The following SULT1B1 variants were observed in gnomAD, a reference collection of about 807,000 sequenced individuals.
The protein encoded by SULT1B1 is sulfotransferase family 1B member 1, also known as sulfotransferase 1B1.
In SULT1B1, 28 loss-of-function variants were observed where a neutral mutation model predicts 34.6. The observed-to-expected ratio is 0.81, with a 90% confidence interval of 0.60 to 1.11. The LOEUF (loss-of-function observed/expected upper bound fraction) is 1.11. SULT1B1 is among the 50% of genes least tolerant of loss of function. SULT1B1 has a pLI of 0.00. For synonymous variants in SULT1B1, 147 were observed against 110.2 expected, an observed-to-expected ratio of 1.33 and a Z score of -2.09; for missense variants, 374 against 352.2, an observed-to-expected ratio of 1.06 and a Z score of -0.50.
In SULT1B1 at chr4:69,733,407, T is replaced by C; in HGVS notation, c.597+6A>G. ...AATTATCCAGAATCCATATCTACCA[T>C]TTTACCTCTTTCATATCTTCATAGT... On this transcript the variant is annotated splice_donor_region_variant and intron_variant, in intron 6 of 7. Coordinates refer to ENST00000310613, the MANE Select transcript of SULT1B1 (RefSeq NM_014465.4). 1.9e-6 allele frequency: 3 copies of C among 1,578,606 alleles called. No homozygotes were observed. Among genetic ancestry groups the C allele is most frequent in the Non-Finnish European group, 2.6e-6 (3 of 1,159,784 alleles).
intron 4 of SULT1B1, among the ~76,000 whole-genome samples, chr4:69,743,113 G>A (rs1718615062): frequency 6.6e-6 from 1 of 152,174 alleles, no homozygotes; most frequent in Non-Finnish European, 1.5e-5. Context: ...CACACAAGGT[G>A]GTGAGCAAGG....
chr4:69,751,663 A>G (rs1021888554), intron 3 of SULT1B1, among the ~76,000 whole-genome samples: 1 of 152,062 alleles, frequency 6.6e-6, no homozygotes, highest in Non-Finnish European at 1.5e-5. Flanking sequence ...CGTGTTAGCC[A>G]GGACTGTCTC....
Position 69,723,843 on chromosome 4 carries a change from C to G in SULT1B1, c.*3245G>C, listed in dbSNP as rs892289572. 5 of 152,306 alleles carry G rather than the reference C, an allele frequency of 3.3e-5. No individual in the cohort carries two copies. The highest frequency in any genetic ancestry group is 9.6e-5 in the African/African-American group (4 of 41,562). The allele number at this position is 152,306 out of a possible 1,614,324, so 9.4% of individuals were successfully genotyped here. A position where few individuals can be genotyped will look rare whatever the true frequency, so the allele number is the denominator to read the frequency against. On this transcript the variant is annotated 3_prime_UTR_variant, in exon 8 of 8. Coordinates refer to ENST00000310613, the MANE Select transcript of SULT1B1 (RefSeq NM_014465.4). Reference sequence around the variant, plus strand: ...TTCAACAGCCTTCATGCTAAAAACTCTCAATAAATTAGGTATTGATGGAAT... The same window carrying G: ...TTCAACAGCCTTCATGCTAAAAACTGTCAATAAATTAGGTATTGATGGAAT...
intron 3 of SULT1B1, among the ~76,000 whole-genome samples, chr4:69,752,200 A>C (rs1578066899): frequency 6.6e-6 from 1 of 152,224 alleles, no homozygotes; most frequent in African/African-American, 2.4e-5. Context: ...TTTATACTTG[A>C]ATTTTAAGTT....
rs1164417119 is a variant in SULT1B1, at chr4:69,733,458, C to A, written c.552G>T (p.Lys184Asn). ...ACAAAAAAAGTATTGGGTGTTCTTCCTTTTTCTTCCACCAGTTTTTAACAT... is the reference window on the plus strand; with the variant it reads ...ACAAAAAAAGTATTGGGTGTTCTTCATTTTTCTTCCACCAGTTTTTAACAT... ...FTHVKNWWKKKEEHPILFLYY... is the reference protein window; with the variant it reads ...FTHVKNWWKKNEEHPILFLYY... Residue 184 changes from lysine to asparagine, a missense_variant, in exon 6 of 8, where the codon AAG becomes AAT. Physicochemically the swap from Lys to Asn is moderately conservative, Grantham distance 94. Coordinates refer to ENST00000310613, the MANE Select transcript of SULT1B1 (RefSeq NM_014465.4). The A allele has an allele frequency of 3.7e-6, 6 of 1,608,120 alleles. No individual in the cohort carries two copies. The highest frequency in any genetic ancestry group is 1.3e-5 in the African/African-American group (1 of 74,566).
chr4:69,758,818 C>T (rs1719288059), intron 1 of SULT1B1, among the ~76,000 whole-genome samples: 1 of 152,048 alleles, frequency 6.6e-6, no homozygotes, highest in Non-Finnish European at 1.5e-5. Context: ...ATTTATTCAT[C>T]TTAATTTAAT....
At chr4:69,758,198 G>A in intron 1 of SULT1B1, 2 of 626,246 alleles carry the variant, frequency 3.2e-6, no homozygotes, top group Non-Finnish European at 4.0e-6. Context: ...GAAGGAGGAA[G>A]TTGAAAGAAA....
At chr4:69,758,150 G>C (rs1430672282) in intron 1 of SULT1B1, among the ~76,000 whole-genome samples, 1 of 152,172 alleles carries the variant, frequency 6.6e-6, no homozygotes, top group South Asian at 2.1e-4. Flanking sequence ...AGCAGCTCAA[G>C]AAAGGAACAA....
At chr4:69,739,320 T>G (rs1030319267) in intron 4 of SULT1B1, among the ~76,000 whole-genome samples, 8 of 152,216 alleles carry the variant, frequency 5.3e-5, no homozygotes, top group African/African-American at 1.9e-4. Context: ...TGCCTGGAGA[T>G]CCAGGTGTTT....
chr4:69,734,035 C>A, intron 5 of SULT1B1, 103 bp downstream of exon 5: 1 of 1,001,606 alleles, frequency 1.0e-6, no homozygotes, highest in African/African-American at 1.7e-5. Flanking sequence ...ACATACTTTT[C>A]ACTAGATTGG....
intron 1 of SULT1B1, among the ~76,000 whole-genome samples, chr4:69,759,174 T>G (rs1719303800): frequency 6.6e-6 from 1 of 152,226 alleles, no homozygotes; most frequent in Admixed American, 6.5e-5. Context: ...ATGATAAGTC[T>G]TACTTGCATT....
chr4:69,724,442 C>T lies in SULT1B1; in HGVS notation c.*2646G>A, dbSNP rs1016437262. The T allele has an allele frequency of 6.6e-6, 1 of 152,192 alleles. No individual in the cohort carries two copies. Among genetic ancestry groups the T allele is most frequent in the South Asian group, 2.1e-4 (1 of 4,832 alleles). The allele number at this position is 152,192 out of a possible 1,614,324, so 9.4% of individuals were successfully genotyped here. A position where few individuals can be genotyped will look rare whatever the true frequency, so the allele number is the denominator to read the frequency against. ...AATCAATATCATGAAAATGGCCATA[C>T]TGCCCAAGGTCATTTATAGATTCAA... On this transcript the variant is annotated 3_prime_UTR_variant, in exon 8 of 8. Transcript: ENST00000310613.
At chr4:69,747,952 T>C (rs1331329544) in intron 4 of SULT1B1, among the ~76,000 whole-genome samples, 1 of 152,038 alleles carries the variant, frequency 6.6e-6, no homozygotes, top group African/African-American at 2.4e-5. Flanking sequence ...TTTTTTGGAG[T>C]ATGCCAGCCT....
At chr4:69,749,164 G>GT in intron 4 of SULT1B1, among the ~76,000 whole-genome samples, 1 of 151,994 alleles carries the variant, frequency 6.6e-6, no homozygotes, top group Non-Finnish European at 1.5e-5. Context: ...ACAAAACAGG[G>GT]TATCAGAACA....
intron 4 of SULT1B1, among the ~76,000 whole-genome samples, chr4:69,747,597 G>GA (rs1244280270): frequency 6.6e-6 from 1 of 152,186 alleles, no homozygotes; most frequent in Non-Finnish European, 1.5e-5. Context: ...AGCCTTGGGG[G>GA]ATGGGCATCT....
At chr4:69,742,362 T>A (rs1167358078) in intron 4 of SULT1B1, among the ~76,000 whole-genome samples, 1 of 152,232 alleles carries the variant, frequency 6.6e-6, no homozygotes, top group African/African-American at 2.4e-5. Flanking sequence ...GGTTTTGGTA[T>A]GAGAATGATG....
At position 69,733,461 on chromosome 4, in the gene SULT1B1, T is replaced by C. The variant is rs755472796; in HGVS notation, c.549A>G (p.Lys183=). The part of the protein sequence containing the change: ...WFTHVKNWWK[K]KEEHPILFLY... ...AAAAAAGTATTGGGTGTTCTTCCTT[T>C]TTCTTCCACCAGTTTTTAACATGAG... is the stretch of plus-strand genomic sequence containing the variant. The change falls in exon 6 of 8, where the codon AAA becomes AAG. Residue 183 remains lysine (K), a synonymous_variant. Coordinates refer to ENST00000310613, the MANE Select transcript of SULT1B1 (RefSeq NM_014465.4). 4.4e-6 allele frequency: 7 copies of C among 1,608,750 alleles called. No individual in the cohort carries two copies. The highest frequency in any genetic ancestry group is 1.6e-4 in the Middle Eastern group (1 of 6,072).
intron 4 of SULT1B1, among the ~76,000 whole-genome samples, chr4:69,749,154 A>G (rs1718871780): frequency 6.6e-6 from 1 of 152,108 alleles, no homozygotes; most frequent in African/African-American, 2.4e-5. Flanking sequence ...GAGATCAGGA[A>G]CAAAACAGGG....
chr4:69,730,788 G>T (rs1332584704), intron 6 of SULT1B1, 107 bp from the exon 7 acceptor site: 2 of 938,916 alleles, frequency 2.1e-6, no homozygotes, highest in Non-Finnish European at 1.5e-6. Context: ...GAATAGTATA[G>T]GAAATCCATA....
Sources: gnomAD v4.1 joint callset for allele counts (sites outside exome capture counted in the v4.1 genomes callset) on GRCh38, gnomAD v4.1.1 for gene constraint, MANE v1.5 for transcripts, NCBI Gene and HGNC (gene_info 2026-07-23, HGNC 2026-07-21) for gene names.